Variants in HDGFL2 observed in about 807,000 individuals in gnomAD.
HDGFL2 encodes the protein HDGF like 2.
HDGFL2 carries 36 observed loss-of-function variants against 77.1 expected under a neutral mutation model. The ratio of observed to expected loss-of-function variants is 0.47; its 90% CI spans 0.36 to 0.62. The LOEUF (loss-of-function observed/expected upper bound fraction) is 0.62, where lower values mean the gene tolerates loss of function less well. Among genes scored for constraint, HDGFL2 ranks in the 20% least tolerant of loss-of-function variants. The pLI is 0.00. For missense variants in HDGFL2, 976 were observed against 973.4 expected, an observed-to-expected ratio of 1.00 and a Z score of -0.04; for synonymous variants, 463 against 413.1, an observed-to-expected ratio of 1.12 and a Z score of -1.46.
intron 3 of HDGFL2, among the ~76,000 whole-genome samples, chr19:4,482,517 T>G (rs1975247297): frequency 6.6e-6 from 1 of 152,182 alleles, no homozygotes. Flanking sequence ...CATTATTTTT[T>G]TCATAGAGAC....
intron 3 of HDGFL2, among the ~76,000 whole-genome samples, chr19:4,486,861 C>T (rs1005269644): frequency 5.3e-5 from 8 of 152,166 alleles, no homozygotes; most frequent in East Asian, 3.9e-4. Flanking sequence ...CTCTCTGGAA[C>T]GCCGCTAGCT....
chr19:4,486,052 C>CAAAA (rs548919228), intron 3 of HDGFL2, among the ~76,000 whole-genome samples: 1 of 74,942 alleles, frequency 1.3e-5, no homozygotes, highest in Non-Finnish European at 2.7e-5. Context: ...GACCCCGTCT[C>CAAAA]AAAAAAAAAA....
chr19:4,498,171 CA>C, intron 11 of HDGFL2, 134 bp from the exon 12 acceptor site: 1 of 1,141,340 alleles, frequency 8.8e-7, no homozygotes, highest in Non-Finnish European at 1.3e-6. Context: ...GCGGTGCCTC[CA>C]GGGGTGGGGG....
chr19:4,499,239 A>T (rs1244861247), intron 13 of HDGFL2, among the ~76,000 whole-genome samples: 1 of 151,974 alleles, frequency 6.6e-6, no homozygotes, highest in Admixed American at 6.6e-5. Context: ...CCAGCTACTC[A>T]GGAGGCTGAG....
intron 3 of HDGFL2, among the ~76,000 whole-genome samples, chr19:4,476,056 A>T (rs2145151430): frequency 6.7e-6 from 1 of 149,960 alleles, no homozygotes; most frequent in Admixed American, 6.6e-5. Flanking sequence ...CACCCGGCTA[A>T]TTTTTTTGTA....
chr19:4,495,248 C>T (rs921774489), intron 9 of HDGFL2, among the ~76,000 whole-genome samples: 10 of 151,040 alleles, frequency 6.6e-5, no homozygotes, highest in Non-Finnish European at 1.2e-4. Flanking sequence ...ATTAGCCAGG[C>T]GTTGTGGCAG....
chr19:4,497,427 A>C, intron 10 of HDGFL2: 1 of 248,638 alleles, frequency 4.0e-6, no homozygotes, highest in Non-Finnish European at 7.9e-6. Context: ...TCTATCTCCT[A>C]AACTCATGAT....
Position 4,496,411 on chromosome 19 carries a change from C to G in HDGFL2, c.1328+6C>G. 1 of 1,610,192 alleles carries G rather than the reference C, an allele frequency of 6.2e-7. No individual in the cohort carries two copies. The highest frequency in any genetic ancestry group is 8.5e-7 in the Non-Finnish European group (1 of 1,177,420). ...GAGGAGAAGCAACAAGCCAAGTGAGCCCTGCTCTGCCCCTCCACACCCTGG... is the reference window on the plus strand; with the variant it reads ...GAGGAGAAGCAACAAGCCAAGTGAGGCCTGCTCTGCCCCTCCACACCCTGG... On this transcript the variant is annotated splice_donor_region_variant and intron_variant, in intron 10 of 15. Coordinates refer to ENST00000616600, the MANE Select transcript of HDGFL2 (RefSeq NM_001001520.3).
intron 15 of HDGFL2, 192 bp from the exon 16 acceptor site, chr19:4,501,719 C>T: frequency 1.9e-6 from 1 of 528,376 alleles, no homozygotes; most frequent in Non-Finnish European, 3.3e-6. Flanking sequence ...CTATGCCTGG[C>T]TGGCGCCAGC....
chr19:4,479,842 G>A (rs947627509), intron 3 of HDGFL2, among the ~76,000 whole-genome samples: 2 of 147,830 alleles, frequency 1.4e-5, no homozygotes, highest in Non-Finnish European at 3.0e-5. Flanking sequence ...GGAGGCGGAA[G>A]TTGCAGTGAG....
At chr19:4,491,891 TC>T in intron 6 of HDGFL2, 56 bp downstream of exon 6, 1 of 1,478,504 alleles carries the variant, frequency 6.8e-7, no homozygotes, top group Non-Finnish European at 9.4e-7. Flanking sequence ...CTCTGCGGTC[TC>T]CAGTGCTGTC....
rs1254098468 is a variant in HDGFL2, at chr19:4,491,760, C to A, written c.607-4C>A. 2 of 1,614,018 alleles carry A rather than the reference C, an allele frequency of 1.2e-6. No homozygotes were observed. The highest frequency in any genetic ancestry group is 1.7e-6 in the Non-Finnish European group (2 of 1,180,024). On this transcript the variant is annotated splice_region_variant and splice_polypyrimidine_tract_variant and intron_variant, in intron 5 of 15. Coordinates refer to ENST00000616600, the MANE Select transcript of HDGFL2 (RefSeq NM_001001520.3). ...CCCCAGTTCAGCTCACTTCTCTCCC[C>A]CAGGACTTCACACCTGAGAAGAAAG...
rs1188570732 is a variant in HDGFL2, at chr19:4,502,121, T to C, written c.*111T>C. Reference sequence around the variant, plus strand: ...GTGGGGAACGCTGTGCTGTTTGTATTTGTTCCCTTGGGTTTTTTTTTCCTG... The same window carrying C: ...GTGGGGAACGCTGTGCTGTTTGTATCTGTTCCCTTGGGTTTTTTTTTCCTG... On this transcript the variant is annotated 3_prime_UTR_variant, in exon 16 of 16. Coordinates refer to ENST00000616600, the MANE Select transcript of HDGFL2 (RefSeq NM_001001520.3). The C allele has an allele frequency of 5.0e-6, 4 of 807,704 alleles. No individual in the cohort carries two copies. The African/African-American group carries it at 5.1e-5, about 10-fold the overall frequency. The allele number at this position is 807,704 out of a possible 1,614,324, so 50.0% of individuals were successfully genotyped here. A position where few individuals can be genotyped will look rare whatever the true frequency, so the allele number is the denominator to read the frequency against.
Position 4,472,421 on chromosome 19 carries a change from G to T in HDGFL2, c.71G>T (p.Arg24Met). The change falls in exon 1 of 16, where the codon AGG (arginine) becomes ATG (methionine). Residue 24 changes from arginine to methionine, a missense_variant and splice_region_variant. This residue lies in a region of HDGFL2 where 103 missense variants were observed against 145.7 expected (regional missense o/e 0.71). Coordinates refer to ENST00000616600, the MANE Select transcript of HDGFL2 (RefSeq NM_001001520.3). ...AAGGGCTACCCTCACTGGCCTGCCAGGGTGAGGCCGCGCGGGAGATGGGGC... is the reference window on the plus strand; with the variant it reads ...AAGGGCTACCCTCACTGGCCTGCCATGGTGAGGCCGCGCGGGAGATGGGGC... ...KMKGYPHWPARIDDIADGAVK... is the reference protein window; with the variant it reads ...KMKGYPHWPAMIDDIADGAVK... 1 of 1,452,244 alleles carries T rather than the reference G, an allele frequency of 6.9e-7. No homozygotes were observed. Among genetic ancestry groups the T allele is most frequent in the Admixed American group, 2.7e-5 (1 of 37,544 alleles). 90.0% of individuals were successfully genotyped at this position (1,452,244 alleles called of 1,614,324 possible). A position where few individuals can be genotyped will look rare whatever the true frequency, so the allele number is the denominator to read the frequency against.
intron 1 of HDGFL2, 72 bp from the exon 2 acceptor site, chr19:4,475,203 A>C: frequency 7.3e-7 from 1 of 1,378,538 alleles, no homozygotes. Context: ...TGCCCCAAGT[A>C]ACTTGGCTGA....
rs764021006 is a variant in HDGFL2 at position 4,497,980 on chromosome 19, C to T, written c.1351C>T (p.Arg451Trp). 5.1e-6 allele frequency: 8 copies of T among 1,555,388 alleles called. No homozygotes were observed. Among genetic ancestry groups the T allele is most frequent in the South Asian group, 1.2e-5 (1 of 84,328 alleles). Reference protein sequence around the residue: ...QAKPVKVERTRKRSEGFSMDR... With the variant: ...QAKPVKVERTWKRSEGFSMDR... ...CAGGCCCGTGAAGGTGGAGCGGACC[C>T]GGAAGCGGTCCGAGGGCTTCTCGAT... The change falls in exon 11 of 16, where the codon CGG becomes TGG. Residue 451 changes from arginine to tryptophan, a missense_variant. Arg to Trp is a moderately radical substitution (Grantham distance 101). Transcript: ENST00000616600.
At chr19:4,479,178 A>G (rs1386149978) in intron 3 of HDGFL2, among the ~76,000 whole-genome samples, 1 of 151,868 alleles carries the variant, frequency 6.6e-6, no homozygotes, top group Non-Finnish European at 1.5e-5. Flanking sequence ...TACAAAGATT[A>G]GCCGGGCTCA....
intron 3 of HDGFL2, among the ~76,000 whole-genome samples, chr19:4,482,497 C>T (rs1392813229): frequency 2.0e-5 from 3 of 152,140 alleles, no homozygotes; most frequent in Non-Finnish European, 2.9e-5. Flanking sequence ...CGTGAGCCAC[C>T]GTGCCCAGCC....
chr19:4,483,316 G>A lies in HDGFL2; in HGVS notation c.289-5360G>A, dbSNP rs543647597. ...GCCTGCGGCTGTGCGCACGGAGGCTGGTGTGCGCCTGCTGTGGGCTCCCAG... is the reference window on the plus strand; with the variant it reads ...GCCTGCGGCTGTGCGCACGGAGGCTAGTGTGCGCCTGCTGTGGGCTCCCAG... On this transcript the variant is annotated intron_variant, in intron 3 of 15. Coordinates refer to ENST00000616600, the MANE Select transcript of HDGFL2 (RefSeq NM_001001520.3). 2.0e-5 allele frequency among the ~76,000 whole-genome samples: 3 copies of A among 152,250 alleles called. No homozygotes were observed. The East Asian group carries it at 5.8e-4, about 30-fold the overall frequency.
Sources: gnomAD v4.1 joint callset for allele counts (sites outside exome capture counted in the v4.1 genomes callset) on GRCh38, gnomAD v4.1.1 for gene constraint, gnomAD v4.1.1 regional missense constraint, MANE v1.5 for transcripts, NCBI Gene and HGNC (gene_info 2026-07-23, HGNC 2026-07-21) for gene names.